SLCO3A1: variants seen among roughly 807,000 people sequenced by gnomAD.
SLCO3A1 encodes solute carrier organic anion transporter family member 3A1.
SLCO3A1 carries 27 observed loss-of-function variants against 63.1 expected under a neutral mutation model. The observed-to-expected ratio is 0.43, with a 90% confidence interval of 0.32 to 0.59. SLCO3A1 has a LOEUF of 0.59. Ranked by LOEUF, SLCO3A1 falls within the 20% of genes least tolerant of loss-of-function variation. SLCO3A1 has a pLI of 0.09. For missense variants in SLCO3A1, 773 were observed against 945.8 expected (o/e 0.82, Z 2.40); for synonymous variants, 473 against 409.9 (o/e 1.15, Z -1.86).
chr15:92,139,886 G>C (rs1172131494), intron 7 of SLCO3A1, among the ~76,000 whole-genome samples: 1 of 149,054 alleles, frequency 6.7e-6, no homozygotes, highest in Non-Finnish European at 1.5e-5. Flanking sequence ...TATTAGTCTT[G>C]CTAGCGGTCT....
At chr15:92,066,728 G>C (rs1343423380) in intron 2 of SLCO3A1, among the ~76,000 whole-genome samples, 1 of 152,204 alleles carries the variant, frequency 6.6e-6, no homozygotes, top group East Asian at 1.9e-4. Flanking sequence ...ACTGTGCTCA[G>C]CCAGGGCCCA....
At position 92,033,456 on chromosome 15, in the gene SLCO3A1, G is replaced by A. The variant is rs969382687; in HGVS notation, c.647-61425G>A. 8.5e-5 allele frequency among the ~76,000 whole-genome samples: 13 copies of A among 152,180 alleles called. No individual in the cohort carries two copies. Among genetic ancestry groups the A allele is most frequent in the Non-Finnish European group, 5.9e-5 (4 of 68,036 alleles). ...GCTTGGGCAGCTGGATGGACACGTC[G>A]TGGAGTGAAAACCTAAAGGGAACTA... On this transcript the variant is annotated intron_variant, in intron 2 of 9. Transcript: ENST00000318445. This position sits in a 1 kb window ranked among gnomAD's most constrained non-coding sequence, Gnocchi z 4.5.
chr15:92,081,982 A>G (rs1472866387), intron 2 of SLCO3A1, among the ~76,000 whole-genome samples: 1 of 152,226 alleles, frequency 6.6e-6, no homozygotes, highest in East Asian at 1.9e-4. Flanking sequence ...TGGCTCTGTC[A>G]TGTACTGTGT....
rs973746208 is a variant in SLCO3A1 at position 91,872,553 on chromosome 15, A to G, written c.180+18465A>G. Among the ~76,000 whole-genome samples the G allele has an allele frequency of 5.3e-5, 8 of 152,088 alleles. No individual in the cohort carries two copies. Among genetic ancestry groups the G allele is most frequent in the Non-Finnish European group, 8.8e-5 (6 of 68,000 alleles). The stretch of plus-strand genomic sequence containing the variant: ...CGTCTCAAAAAAAAAAAGAAAAGAA[A>G]AAAGAAGAAAGAAAGAACGTGCCCA... On this transcript the variant is annotated intron_variant, in intron 1 of 9. Coordinates refer to ENST00000318445, the MANE Select transcript of SLCO3A1 (RefSeq NM_013272.4). This position sits in a 1 kb window ranked among gnomAD's most constrained non-coding sequence, Gnocchi z 4.1.
rs1447900031 is a variant in SLCO3A1, at chr15:91,886,672, C to T, written c.181-29321C>T. On this transcript the variant is annotated intron_variant, in intron 1 of 9. Transcript: ENST00000318445. The surrounding 1 kb of genome is among the most constrained non-coding windows in gnomAD (Gnocchi z 4.9). ...GCATCCAATGTCCTTATCTCTCAGG[C>T]TTTGCTTTCAAGACTTCACACTGAC... 1.3e-5 allele frequency among the ~76,000 whole-genome samples: 2 copies of T among 152,230 alleles called. No individual in the cohort carries two copies. Among genetic ancestry groups the T allele is most frequent in the African/African-American group, 4.8e-5 (2 of 41,450 alleles).
At position 92,165,049 on chromosome 15, in the gene SLCO3A1, T is replaced by C. The variant is rs2048482339; in HGVS notation, c.*1914T>C. On this transcript the variant is annotated 3_prime_UTR_variant, in exon 10 of 10. Transcript: ENST00000318445. ...AAAAGAATCAGGAAGTAAAAAATGG[T>C]TGGGAGTGGGACAGGTATGGTACCG... 1.0e-6 allele frequency: 1 copy of C among 985,346 alleles called. No individual in the cohort carries two copies. The allele number at this position is 985,346 out of a possible 1,614,324, so 61.0% of individuals were successfully genotyped here.
chr15:91,881,065 G>A (rs1463987831), intron 1 of SLCO3A1, among the ~76,000 whole-genome samples: 3 of 152,140 alleles, frequency 2.0e-5, no homozygotes, highest in African/African-American at 4.8e-5. Context: ...CCTGAGACCT[G>A]CATTCATGTA....
At chr15:92,147,210 C>T (rs980132378) in intron 8 of SLCO3A1, 51 bp downstream of exon 8, 10 of 1,548,102 alleles carry the variant, frequency 6.5e-6, no homozygotes, top group Non-Finnish European at 8.8e-6. Context: ...TGGTGTTCAT[C>T]TGCAGGCCTC....
intron 7 of SLCO3A1, among the ~76,000 whole-genome samples, chr15:92,145,364 T>C (rs923453193): frequency 6.6e-6 from 1 of 152,194 alleles, no homozygotes; most frequent in Non-Finnish European, 1.5e-5. Flanking sequence ...GAAGTCTTGC[T>C]TCCTAATAAA....
intron 2 of SLCO3A1, among the ~76,000 whole-genome samples, chr15:92,041,245 A>G (rs1026546933): frequency 7.2e-5 from 11 of 152,140 alleles, no homozygotes; most frequent in Non-Finnish European, 1.6e-4. Flanking sequence ...TTGTGCATGT[A>G]TAGTACAGGT....
chr15:92,085,439 G>C (rs1033141573), intron 2 of SLCO3A1, among the ~76,000 whole-genome samples: 15 of 152,220 alleles, frequency 9.9e-5, no homozygotes, highest in Admixed American at 2.0e-4. Flanking sequence ...AAGTGCCCCG[G>C]GGCGAGCTGC....
At chr15:91,978,754 T>C (rs755489252) in intron 2 of SLCO3A1, among the ~76,000 whole-genome samples, 61 of 152,268 alleles carry the variant, frequency 4.0e-4, no homozygotes, top group Non-Finnish European at 1.3e-4. Flanking sequence ...TGGATTCATA[T>C]ATGAATACTA....
At chr15:91,892,502 T>A (rs1597095898) in intron 1 of SLCO3A1, among the ~76,000 whole-genome samples, 1 of 152,168 alleles carries the variant, frequency 6.6e-6, no homozygotes, top group East Asian at 1.9e-4. Context: ...CCAGAGGAAT[T>A]TCCCAGCCTG....
chr15:91,909,778 G>A (rs1021613988), intron 1 of SLCO3A1, among the ~76,000 whole-genome samples: 5 of 152,126 alleles, frequency 3.3e-5, no homozygotes, highest in African/African-American at 1.2e-4. Context: ...GGGACCTTTC[G>A]GCTCCACCTT....
intron 2 of SLCO3A1, among the ~76,000 whole-genome samples, chr15:92,062,883 C>G (rs1425560332): frequency 6.6e-6 from 1 of 152,196 alleles, no homozygotes; most frequent in African/African-American, 2.4e-5. Context: ...TGAATCAGGG[C>G]CTGCCCGCCT....
intron 2 of SLCO3A1, among the ~76,000 whole-genome samples, chr15:91,983,185 G>A (rs960826412): frequency 6.6e-6 from 1 of 152,218 alleles, no homozygotes; most frequent in Non-Finnish European, 1.5e-5. Context: ...TGTACCCTAT[G>A]CCAGGCATGG....
intron 2 of SLCO3A1, among the ~76,000 whole-genome samples, chr15:92,027,987 T>C (rs2046596925): frequency 6.6e-6 from 1 of 152,194 alleles, no homozygotes; most frequent in Non-Finnish European, 1.5e-5. Context: ...ATCACAGCGT[T>C]CGGCTCAATC....
At chr15:92,052,323 CCTACCTGGAGACACTGGAAGACAGATTGG>C in intron 2 of SLCO3A1, among the ~76,000 whole-genome samples, 1 of 152,228 alleles carries the variant, frequency 6.6e-6, no homozygotes, top group Non-Finnish European at 1.5e-5. Context: ...GTGAGCAATA[CCTACCTGGAGACACTGGAAGACAGATTGG>C]CCTTTTGCAT....
intron 1 of SLCO3A1, among the ~76,000 whole-genome samples, chr15:91,876,853 C>A (rs927635121): frequency 1.3e-5 from 2 of 152,326 alleles, no homozygotes; most frequent in Non-Finnish European, 2.9e-5. Context: ...GAGGGACTGC[C>A]CTGTGGGATC....
Sources: gnomAD v4.1 joint callset for allele counts (sites outside exome capture counted in the v4.1 genomes callset) on GRCh38, gnomAD v4.1.1 for gene constraint, Gnocchi (gnomAD v3.1) non-coding constraint, MANE v1.5 for transcripts, NCBI Gene and HGNC (gene_info 2026-07-23, HGNC 2026-07-21) for gene names.